The following MYO7A variants were observed in gnomAD, a reference collection of about 807,000 sequenced individuals.
MYO7A encodes the protein myosin VIIA, also known as unconventional myosin-VIIa.
MYO7A carries 210 observed loss-of-function variants against 263.8 expected under a neutral mutation model. The observed-to-expected ratio is 0.80, with a 90% CI of 0.71 to 0.89. The LOEUF (loss-of-function observed/expected upper bound fraction) is 0.89, where lower values mean the gene tolerates loss of function less well. Among genes scored for constraint, MYO7A ranks in the 40% least tolerant of loss-of-function variants. The probability of loss-of-function intolerance (pLI) is 0.00; values close to 1 mark genes in which losing one functional copy is unlikely to be tolerated. For synonymous variants in MYO7A, 1,239 were observed against 1,197.3 expected (o/e 1.03, Z -0.72); for missense variants, 2,820 against 2,968.3 (o/e 0.95, Z 1.16).
In MYO7A at chr11:77,214,733, C is replaced by T. The variant is rs758883288; in HGVS notation, c.*37C>T. The T allele has an allele frequency of 4.9e-5, 73 of 1,485,114 alleles. No individual in the cohort carries two copies. The highest frequency in any genetic ancestry group is 7.3e-5 in the South Asian group (6 of 82,472). 92.0% of individuals were successfully genotyped at this position (1,485,114 alleles called of 1,614,324 possible). On this transcript the variant is annotated 3_prime_UTR_variant, in exon 49 of 49. Transcript: ENST00000409709. Reference sequence around the variant, plus strand: ...GAGGTGCTGGTTCCATGCCTGCTCTCGAGGCAGCAGTGGGTTCAGGCCCAT... The same window carrying T: ...GAGGTGCTGGTTCCATGCCTGCTCTTGAGGCAGCAGTGGGTTCAGGCCCAT...
At chr11:77,152,177 T>C (rs907906072) in intron 4 of MYO7A, among the ~76,000 whole-genome samples, 2 of 152,250 alleles carry the variant, frequency 1.3e-5, no homozygotes, top group Admixed American at 1.3e-4. Context: ...TTATTTGTTT[T>C]GTAGATAGAT....
Position 77,190,053 on chromosome 11 carries a change from G to C in MYO7A, c.3664G>C (p.Gly1222Arg). The change falls in exon 29 of 49, where the codon GGC becomes CGC. Residue 1222 changes from glycine (G) to arginine (R), a missense_variant. By Grantham distance (125) the Gly-to-Arg change is moderately radical. Transcript: ENST00000409709. Reference protein sequence around the residue: ...LRNFIHGGPPGYAPYCEERLR... With the variant: ...LRNFIHGGPPRYAPYCEERLR... ...GAACTTCATCCACGGGGGCCCGCCC[G>C]GCTACGCCCCGTACTGTGAGGAGCG... 1.3e-6 allele frequency: 2 copies of C among 1,569,096 alleles called. No individual in the cohort carries two copies. The highest frequency in any genetic ancestry group is 1.7e-6 in the Non-Finnish European group (2 of 1,157,708).
Position 77,138,721 on chromosome 11 carries a change from C to T in MYO7A, c.19-3988C>T, listed in dbSNP as rs1232469585. ...AGAGCAGGGAGCACCTCCAGGTGCA[C>T]AGAGGGACCCCCAGCCATAGTTTAT... On this transcript the variant is annotated intron_variant, in intron 2 of 48. Coordinates refer to ENST00000409709, the MANE Select transcript of MYO7A (RefSeq NM_000260.4). This position sits in a 1 kb window ranked among gnomAD's most constrained non-coding sequence, Gnocchi z 4.9. Among the ~76,000 whole-genome samples, 3 of 152,196 alleles carry T rather than the reference C, an allele frequency of 2.0e-5. No individual in the cohort carries two copies. Among genetic ancestry groups the T allele is most frequent in the Admixed American group, 2.0e-4 (3 of 15,292 alleles).
Position 77,138,643 on chromosome 11 carries a change from C to G in MYO7A, c.19-4066C>G, listed in dbSNP as rs1451746373. 1.3e-5 allele frequency among the ~76,000 whole-genome samples: 2 copies of G among 152,162 alleles called. No homozygotes were observed. Among genetic ancestry groups the G allele is most frequent in the Non-Finnish European group, 2.9e-5 (2 of 68,006 alleles). On this transcript the variant is annotated intron_variant, in intron 2 of 48. Coordinates refer to ENST00000409709, the MANE Select transcript of MYO7A (RefSeq NM_000260.4). This position sits in a 1 kb window ranked among gnomAD's most constrained non-coding sequence, Gnocchi z 4.9. ...AGGAGAGGTTTTGCATCTGGGAAAC[C>G]CAAGCCAGGCAGGCCAGGTCTGGGC...
Position 77,160,959 on chromosome 11 carries a change from T to A in MYO7A, c.1201-14T>A. On this transcript the variant is annotated splice_polypyrimidine_tract_variant and intron_variant, in intron 11 of 48. Transcript: ENST00000409709. ...GGGTGTGGCTGGTGCCAGTGGCTGA[T>A]CACTGCCTTTCAGGGGATCTACGGG... 1 of 1,586,936 alleles carries A rather than the reference T, an allele frequency of 6.3e-7. No homozygotes were observed. Among genetic ancestry groups the A allele is most frequent in the Non-Finnish European group, 8.6e-7 (1 of 1,168,006 alleles).
intron 37 of MYO7A, 144 bp from the exon 38 acceptor site, chr11:77,202,916 G>A (rs1957170056): frequency 9.3e-7 from 1 of 1,071,308 alleles, no homozygotes; most frequent in Non-Finnish European, 1.3e-6. Flanking sequence ...CGGGTCACAT[G>A]CAGGGCAGGG....
intron 44 of MYO7A, chr11:77,209,037 C>A (rs885441): frequency 2.0e-5 from 11 of 552,890 alleles, no homozygotes; most frequent in East Asian, 1.5e-4. Context: ...GCTTCCGATC[C>A]CTACCTGTTC....
chr11:77,208,777 G>A lies in MYO7A; in HGVS notation c.6025G>A (p.Ala2009Thr), dbSNP rs397516325. ...TTTVPGKDPM[A>T]DSIFHYYQEL... ...CACGGTGCCAGGGAAGGATCCCATG[G>A]CCGATTCCATCTTCCACTATTACCA... Residue 2009 changes from alanine (A) to threonine (T), a missense_variant, in exon 44 of 49, where the codon GCC becomes ACC. By Grantham distance (58) the Ala-to-Thr change is moderately conservative. Coordinates refer to ENST00000409709, the MANE Select transcript of MYO7A (RefSeq NM_000260.4). 4 of 1,572,712 alleles carry A rather than the reference G, an allele frequency of 2.5e-6. No individual in the cohort carries two copies. The highest frequency in any genetic ancestry group is 3.3e-4 in the Middle Eastern group (2 of 6,016).
intron 2 of MYO7A, among the ~76,000 whole-genome samples, chr11:77,131,546 T>C (rs1237106053): frequency 6.6e-6 from 1 of 152,338 alleles, no homozygotes; most frequent in South Asian, 2.1e-4. Context: ...CAAACGCCCA[T>C]TAGAGATGGG....
At chr11:77,135,966 G>T (rs868979133) in intron 2 of MYO7A, among the ~76,000 whole-genome samples, 2 of 152,146 alleles carry the variant, frequency 1.3e-5, no homozygotes. Flanking sequence ...CACCCAGGCT[G>T]GTGTACAGTA....
intron 14 of MYO7A, among the ~76,000 whole-genome samples, chr11:77,165,404 A>G (rs1045211792): frequency 3.9e-5 from 6 of 152,232 alleles, no homozygotes; most frequent in African/African-American, 1.4e-4. Context: ...TGTGTGGTGC[A>G]GGGGAATCTC....
At chr11:77,186,553 C>A (rs1555088542) in intron 27 of MYO7A, among the ~76,000 whole-genome samples, 1 of 152,218 alleles carries the variant, frequency 6.6e-6, no homozygotes, top group African/African-American at 2.4e-5. Context: ...CAGCTTCTTG[C>A]TTTGAACCTC....
chr11:77,194,437 C>T lies in MYO7A; in HGVS notation c.4236C>T (p.Leu1412=), dbSNP rs374400714. The T allele has an allele frequency of 8.1e-6, 13 of 1,611,854 alleles. No homozygotes were observed. Among genetic ancestry groups the T allele is most frequent in the South Asian group, 1.1e-5 (1 of 90,392 alleles). The change falls in exon 32 of 49, where the codon CTC becomes CTT. Residue 1412 remains leucine (L), a synonymous_variant. Transcript: ENST00000409709. The part of the protein sequence containing the change: ...SEMILERLLN[L]VPTYIPDREI... ...TGATCCTGGAGCGCCTCCTGAACCTCGTGCCCACCTACATCCCCGACCGCG... is the reference window on the plus strand; with the variant it reads ...TGATCCTGGAGCGCCTCCTGAACCTTGTGCCCACCTACATCCCCGACCGCG...
intron 40 of MYO7A, 33 bp from the exon 41 acceptor site, chr11:77,206,064 A>G: frequency 1.3e-6 from 2 of 1,545,512 alleles, no homozygotes; most frequent in Non-Finnish European, 1.8e-6. Flanking sequence ...AGTCCCACGC[A>G]CATGCCCCCT....
At chr11:77,197,096 C>G (rs1410882219) in intron 32 of MYO7A, among the ~76,000 whole-genome samples, 5 of 152,200 alleles carry the variant, frequency 3.3e-5, no homozygotes, top group African/African-American at 1.2e-4. Context: ...CCCTCTCTTC[C>G]CCGTCTGCCC....
At chr11:77,185,460 T>C (rs1169452673) in intron 27 of MYO7A, among the ~76,000 whole-genome samples, 15 of 152,242 alleles carry the variant, frequency 9.9e-5, no homozygotes, top group Admixed American at 6.5e-5. Context: ...AAGAAACCAC[T>C]TTCTTTGCTC....
At chr11:77,152,832 G>A (rs117319718) in intron 4 of MYO7A, among the ~76,000 whole-genome samples, 8 of 152,174 alleles carry the variant, frequency 5.3e-5, no homozygotes, top group African/African-American at 1.2e-4. Flanking sequence ...CATCGTCTCC[G>A]CTTGAAACTG....
intron 15 of MYO7A, among the ~76,000 whole-genome samples, chr11:77,169,571 A>G (rs1207665055): frequency 2.0e-5 from 3 of 152,160 alleles, no homozygotes; most frequent in African/African-American, 7.2e-5. Context: ...CCATCTGCAG[A>G]TTATCCCAGA....
chr11:77,156,141 C>T (rs782143108), intron 5 of MYO7A, 50 bp downstream of exon 5: 57 of 1,589,610 alleles, frequency 3.6e-5, no homozygotes, highest in Non-Finnish European at 4.5e-5. Context: ...ACCTAGAGCT[C>T]CAACTGTGCG....
Sources: allele counts gnomAD v4.1 joint callset (sites outside exome capture counted in the v4.1 genomes callset), GRCh38; gene constraint gnomAD v4.1.1; non-coding constraint Gnocchi (gnomAD v3.1); transcripts MANE v1.5; gene names NCBI Gene and HGNC (gene_info 2026-07-23, HGNC 2026-07-21).